Variants in TM9SF4 observed in about 807,000 individuals in gnomAD.
TM9SF4 encodes transmembrane 9 superfamily member 4.
A neutral mutation model predicts 90.4 loss-of-function variants in TM9SF4; 26 were observed. The observed-to-expected ratio is 0.29, with a 90% CI of 0.21 to 0.40. The LOEUF is 0.40. Among genes scored for constraint, TM9SF4 ranks in the 10% least tolerant of loss-of-function variants. The pLI is 1.00. For missense variants in TM9SF4, 549 were observed against 834.8 expected, an observed-to-expected ratio of 0.66 and a Z score of 4.22; for synonymous variants, 293 against 315.4, an observed-to-expected ratio of 0.93 and a Z score of 0.75.
At chr20:32,123,048 A>C (rs1189193801) in intron 1 of TM9SF4, among the ~76,000 whole-genome samples, 1 of 149,746 alleles carries the variant, frequency 6.7e-6, no homozygotes, top group South Asian at 2.1e-4. Context: ...GTGCGCCTGC[A>C]ATTGCAGGCA....
chr20:32,145,797 C>A (rs2122422922), intron 8 of TM9SF4, among the ~76,000 whole-genome samples: 1 of 152,178 alleles, frequency 6.6e-6, no homozygotes, highest in East Asian at 1.9e-4. Flanking sequence ...GGGAGAGAAA[C>A]AAAAAAGCAA....
chr20:32,125,751 C>A (rs1184751276), intron 1 of TM9SF4, among the ~76,000 whole-genome samples: 27 of 134,878 alleles, frequency 2.0e-4, no homozygotes. Flanking sequence ...GTGGTGTGAT[C>A]ATGGCTCACT....
intron 12 of TM9SF4, 74 bp downstream of exon 12, chr20:32,150,949 G>A: frequency 6.4e-7 from 1 of 1,561,408 alleles, no homozygotes; most frequent in Non-Finnish European, 8.7e-7. Flanking sequence ...GGAGAAGGTA[G>A]GCAGGTCCTG....
intron 1 of TM9SF4, among the ~76,000 whole-genome samples, chr20:32,111,135 TAG>T (rs2046137324): frequency 6.6e-6 from 1 of 152,206 alleles, no homozygotes; most frequent in African/African-American, 2.4e-5. Flanking sequence ...ATTCCTTATT[TAG>T]AACTTCAGAG....
chr20:32,133,406 A>G (rs923461468), intron 2 of TM9SF4, among the ~76,000 whole-genome samples: 24 of 151,608 alleles, frequency 1.6e-4, no homozygotes, highest in Admixed American at 1.2e-3. Context: ...TCTGTCATGT[A>G]TGTGTCCATC....
Position 32,166,714 on chromosome 20 carries a change from T to TA in TM9SF4, c.*1270_*1271insA, listed in dbSNP as rs2047103924. The TA allele has an allele frequency of 6.6e-6, 1 of 152,180 alleles. No individual in the cohort carries two copies. The highest frequency in any genetic ancestry group is 6.5e-5 in the Admixed American group (1 of 15,278). 9.4% of individuals were successfully genotyped at this position (152,180 alleles called of 1,614,324 possible). A position where few individuals can be genotyped will look rare whatever the true frequency, so the allele number is the denominator to read the frequency against. ...TGGCTCCTCCGTAGACCCCTGTTCT[T>TA]TTCAACCTCTGCCCACCCGTGCATG... is the stretch of plus-strand genomic sequence containing the variant. On this transcript the variant is annotated 3_prime_UTR_variant, in exon 18 of 18. Transcript: ENST00000398022.
chr20:32,111,364 G>A (rs186839288), intron 1 of TM9SF4, among the ~76,000 whole-genome samples: 175 of 152,264 alleles, frequency 1.1e-3, no homozygotes, highest in Admixed American at 3.3e-3. Context: ...TGGTATTTAC[G>A]GCACTGCACT....
chr20:32,116,875 T>C (rs1246886891), intron 1 of TM9SF4, among the ~76,000 whole-genome samples: 2 of 140,038 alleles, frequency 1.4e-5, no homozygotes, highest in Admixed American at 7.2e-5. Context: ...TTTTTTTTTT[T>C]TTTTTTTTTT....
At chr20:32,136,205 G>C (rs368419859) in intron 3 of TM9SF4, 32 bp downstream of exon 3, 3 of 1,594,760 alleles carry the variant, frequency 1.9e-6, no homozygotes, top group Non-Finnish European at 2.6e-6. Context: ...CTGTCAACTT[G>C]TCCCCAGGGG....
chr20:32,111,938 G>A (rs1439646255), intron 1 of TM9SF4, among the ~76,000 whole-genome samples: 1 of 152,162 alleles, frequency 6.6e-6, no homozygotes, highest in Non-Finnish European at 1.5e-5. Flanking sequence ...GCCTGGAAAT[G>A]GGAAGGACTG....
chr20:32,167,068 A>G lies in TM9SF4; in HGVS notation c.*1624A>G, dbSNP rs1346594995. On this transcript the variant is annotated 3_prime_UTR_variant, in exon 18 of 18. Transcript: ENST00000398022. ...ATATTGGAGTCTTTTGTTCATTCAA[A>G]TCTTGGATTTTTTTTTTTCCCTAAG... 7.9e-5 allele frequency: 12 copies of G among 151,960 alleles called. No individual in the cohort carries two copies. Among genetic ancestry groups the G allele is most frequent in the Admixed American group, 7.9e-4 (12 of 15,256 alleles). The allele number at this position is 151,960 out of a possible 1,614,324, so 9.4% of individuals were successfully genotyped here. A position where few individuals can be genotyped will look rare whatever the true frequency, so the allele number is the denominator to read the frequency against.
chr20:32,162,811 T>G (rs1434294103), intron 17 of TM9SF4, among the ~76,000 whole-genome samples: 5 of 152,046 alleles, frequency 3.3e-5, no homozygotes. Flanking sequence ...CCCATATTAA[T>G]CATAACTCTC....
intron 12 of TM9SF4, among the ~76,000 whole-genome samples, chr20:32,154,268 C>T (rs2046885086): frequency 6.6e-6 from 1 of 151,684 alleles, no homozygotes; most frequent in East Asian, 1.9e-4. Context: ...TCTGTTTCAG[C>T]CTCCCAAGTA....
At chr20:32,128,091 C>G (rs1260431436) in intron 1 of TM9SF4, among the ~76,000 whole-genome samples, 2 of 152,184 alleles carry the variant, frequency 1.3e-5, no homozygotes, top group Non-Finnish European at 2.9e-5. Flanking sequence ...AATGAGGACA[C>G]AGCCCAGCAA....
At chr20:32,132,301 G>C (rs2046529665) in intron 1 of TM9SF4, among the ~76,000 whole-genome samples, 1 of 152,156 alleles carries the variant, frequency 6.6e-6, no homozygotes, top group Non-Finnish European at 1.5e-5. Flanking sequence ...CTACTCGGTA[G>C]GCTGAGGCAG....
chr20:32,109,935 C>G (rs1426928353), intron 1 of TM9SF4, 180 bp downstream of exon 1: 1 of 1,436,892 alleles, frequency 7.0e-7, no homozygotes, highest in Non-Finnish European at 9.1e-7. Context: ...TGCCCCTGCA[C>G]TCAGGCTTGT....
chr20:32,156,964 A>C (rs2046933957), intron 13 of TM9SF4, among the ~76,000 whole-genome samples: 1 of 33,710 alleles, frequency 3.0e-5, no homozygotes, highest in Non-Finnish European at 4.6e-5. Context: ...TTTTGAGACG[A>C]AGTCTCACTC....
At chr20:32,119,538 A>AAGTT (rs111422534) in intron 1 of TM9SF4, among the ~76,000 whole-genome samples, 4 of 151,364 alleles carry the variant, frequency 2.6e-5, no homozygotes, top group Admixed American at 1.3e-4. Context: ...TCATTTTCTT[A>AAGTT]TTAAGTGTTC....
intron 1 of TM9SF4, among the ~76,000 whole-genome samples, chr20:32,119,228 G>C (rs970732930): frequency 2.4e-4 from 37 of 152,068 alleles, no homozygotes; most frequent in Admixed American, 1.4e-3. Flanking sequence ...GGAAGCTGAG[G>C]CAGGTGGATC....
Sources: gnomAD v4.1 joint callset for allele counts (sites outside exome capture counted in the v4.1 genomes callset) on GRCh38, gnomAD v4.1.1 for gene constraint, MANE v1.5 for transcripts, NCBI Gene and HGNC (gene_info 2026-07-23, HGNC 2026-07-21) for gene names.